Variants in PROX1 observed in about 807,000 individuals in gnomAD.
PROX1 encodes prospero homeobox 1.
A neutral mutation model predicts 58.8 loss-of-function variants in PROX1; 7 were observed. The observed-to-expected ratio is 0.12, with a 90% CI of 0.07 to 0.22. The LOEUF (loss-of-function observed/expected upper bound fraction) is 0.22, where lower values mean the gene tolerates loss of function less well. Among genes scored for constraint, PROX1 ranks in the 10% least tolerant of loss-of-function variants. The pLI, the probability that PROX1 is intolerant of heterozygous loss-of-function variation, is 1.00. For missense variants in PROX1, 675 were observed against 927.8 expected (o/e 0.73, Z 3.54); for synonymous variants, 350 against 358.3 (o/e 0.98, Z 0.26).
In PROX1 at chr1:213,997,056, G is replaced by A. The variant is rs1663293691; in HGVS notation, c.521G>A (p.Arg174Gln). Residue 174 changes from arginine (R) to glutamine (Q), a missense_variant, in exon 2 of 5, where the codon CGG becomes CAG. Arg to Gln is a conservative substitution (Grantham distance 43, BLOSUM62 1). This residue lies in a region of PROX1 where 5 missense variants were observed against 25.0 expected (regional missense o/e 0.20). Transcript: ENST00000366958. The surrounding 1 kb of genome is among the most constrained non-coding windows in gnomAD (Gnocchi z 7.1). Reference sequence around the variant, plus strand: ...CGCGCCCGGGTTGAGAATATAATTCGGGGTATGAGCCATTCCCCCAGTGTG... The same window carrying A: ...CGCGCCCGGGTTGAGAATATAATTCAGGGTATGAGCCATTCCCCCAGTGTG... ...AKRARVENII[R>Q]GMSHSPSVAL... The A allele has an allele frequency of 6.2e-7, 1 of 1,613,884 alleles. No homozygotes were observed. The highest frequency in any genetic ancestry group is 1.1e-5 in the South Asian group (1 of 91,060).
At chr1:214,000,925 G>A (rs1237236813) in intron 2 of PROX1, among the ~76,000 whole-genome samples, 1 of 152,114 alleles carries the variant, frequency 6.6e-6, no homozygotes, top group African/African-American at 2.4e-5. Context: ...TTAGGGATAC[G>A]GGGCCATATA....
At chr1:213,994,160 C>T (rs1663141440) in intron 1 of PROX1, among the ~76,000 whole-genome samples, 1 of 152,182 alleles carries the variant, frequency 6.6e-6, no homozygotes. Flanking sequence ...CGACACCAGT[C>T]TGTCCTTTCC....
rs747353988 is a variant in PROX1, at chr1:214,035,857, A to G, written c.*23A>G. ...TAGAAATTTCAACAACTCTTTTTGA[A>G]TGTATGAAGAGTAGCAGTCCCCTTT... On this transcript the variant is annotated 3_prime_UTR_variant, in exon 5 of 5. Transcript: ENST00000366958. The G allele has an allele frequency of 6.3e-7, 1 of 1,596,668 alleles. No individual in the cohort carries two copies. The highest frequency in any genetic ancestry group is 1.1e-5 in the South Asian group (1 of 88,356).
chr1:214,009,106 T>C (rs1418542652), intron 3 of PROX1, among the ~76,000 whole-genome samples: 1 of 152,218 alleles, frequency 6.6e-6, no homozygotes, highest in Non-Finnish European at 1.5e-5. Flanking sequence ...AAATGATGTA[T>C]CTCATTCCCT....
chr1:214,003,803 T>C (rs915760957), intron 2 of PROX1, among the ~76,000 whole-genome samples: 4 of 152,256 alleles, frequency 2.6e-5, no homozygotes, highest in African/African-American at 7.2e-5. Flanking sequence ...CTTATCCATA[T>C]TAATTTGATT....
chr1:214,014,153 G>A (rs1424003473), intron 4 of PROX1, among the ~76,000 whole-genome samples: 1 of 152,168 alleles, frequency 6.6e-6, no homozygotes, highest in East Asian at 1.9e-4. Flanking sequence ...AAAAGCCACC[G>A]TTCTTATCGT....
At chr1:213,995,521 A>G (rs1663230009) in intron 1 of PROX1, among the ~76,000 whole-genome samples, 1 of 151,992 alleles carries the variant, frequency 6.6e-6, no homozygotes, top group South Asian at 2.1e-4. Flanking sequence ...CTGTATGTTA[A>G]AGAGTTTCTT....
intron 1 of PROX1, among the ~76,000 whole-genome samples, chr1:213,991,327 A>C (rs1663028294): frequency 6.6e-6 from 1 of 152,134 alleles, no homozygotes; most frequent in East Asian, 1.9e-4. Flanking sequence ...GTTTTTGCTC[A>C]TTGGCTTTGT....
rs1246776912 is a variant in PROX1 at position 214,037,941 on chromosome 1, T to C, written c.*2107T>C. 2 of 152,254 alleles carry C rather than the reference T, an allele frequency of 1.3e-5. No individual in the cohort carries two copies. The highest frequency in any genetic ancestry group is 4.8e-5 in the African/African-American group (2 of 41,470). 9.4% of individuals were successfully genotyped at this position (152,254 alleles called of 1,614,324 possible). A position where few individuals can be genotyped will look rare whatever the true frequency, so the allele number is the denominator to read the frequency against. On this transcript the variant is annotated 3_prime_UTR_variant, in exon 5 of 5. Transcript: ENST00000366958. ...TGTCAGTGTGCCACTGGGTTTTTGCTGTTCCGTGTAATTCATATCAACTTT... is the reference window on the plus strand; with the variant it reads ...TGTCAGTGTGCCACTGGGTTTTTGCCGTTCCGTGTAATTCATATCAACTTT...
intron 4 of PROX1, among the ~76,000 whole-genome samples, chr1:214,034,378 C>T (rs1287439893): frequency 1.3e-5 from 2 of 152,078 alleles, no homozygotes; most frequent in Admixed American, 6.5e-5. Flanking sequence ...CTTGTATATG[C>T]GTAGATAAAT....
In PROX1 at chr1:214,038,302, T is replaced by C. The variant is rs1472056824; in HGVS notation, c.*2468T>C. On this transcript the variant is annotated 3_prime_UTR_variant, in exon 5 of 5. Coordinates refer to ENST00000366958, the MANE Select transcript of PROX1 (RefSeq NM_001270616.2). ...TTTATCACTATGCTTTCCGGTGGTT[T>C]TCCCTTTTACAATCGAAATCTTGTG... The C allele has an allele frequency of 6.6e-6, 1 of 152,194 alleles. No homozygotes were observed. The highest frequency in any genetic ancestry group is 2.4e-5 in the African/African-American group (1 of 41,442). 9.4% of individuals were successfully genotyped at this position (152,194 alleles called of 1,614,324 possible).
chr1:214,010,850 A>G (rs1441307609), intron 3 of PROX1, among the ~76,000 whole-genome samples: 4 of 152,196 alleles, frequency 2.6e-5, no homozygotes, highest in African/African-American at 7.2e-5. Context: ...GGAGGGGGAC[A>G]TGGGTCTTAT....
chr1:213,998,042 T>C lies in PROX1; in HGVS notation c.1507T>C (p.Ser503Pro). The change falls in exon 2 of 5, where the codon TCC becomes CCC. Residue 503 changes from serine (S) to proline (P), a missense_variant. Ser to Pro is a moderately conservative substitution (Grantham distance 74, BLOSUM62 -1). Coordinates refer to ENST00000366958, the MANE Select transcript of PROX1 (RefSeq NM_001270616.2). ...GAGCCCATTAGGTGCTCCCTCCGGC[T>C]CCTTCTCTGGAAAAGACAGAGCCTC... ...FQSPLGAPSG[S>P]FSGKDRASPE... The C allele has an allele frequency of 2.5e-6, 4 of 1,612,280 alleles. No individual in the cohort carries two copies. Among genetic ancestry groups the C allele is most frequent in the Non-Finnish European group, 3.4e-6 (4 of 1,178,948 alleles).
chr1:213,992,870 G>T (rs1176924532), intron 1 of PROX1, among the ~76,000 whole-genome samples: 1 of 152,118 alleles, frequency 6.6e-6, no homozygotes, highest in East Asian at 1.9e-4. Context: ...ACTTCACGCT[G>T]CAGTGTTCCT....
intron 4 of PROX1, chr1:214,030,684 C>G (rs1571844309): frequency 6.6e-6 from 1 of 152,200 alleles, no homozygotes; most frequent in South Asian, 2.1e-4. Flanking sequence ...ATAGGAGAGG[C>G]TGTCTTCTTT....
chr1:214,000,410 T>C (rs1663461975), intron 2 of PROX1, among the ~76,000 whole-genome samples: 1 of 152,204 alleles, frequency 6.6e-6, no homozygotes, highest in African/African-American at 2.4e-5. Context: ...AAAGAAAATA[T>C]AGTTGCTTCT....
intron 4 of PROX1, among the ~76,000 whole-genome samples, chr1:214,034,617 T>A (rs1318914542): frequency 6.6e-6 from 1 of 152,092 alleles, no homozygotes; most frequent in Non-Finnish European, 1.5e-5. Context: ...ACTAAATAAG[T>A]ACATCAGTAG....
chr1:214,019,995 C>G (rs1474353333), intron 4 of PROX1, among the ~76,000 whole-genome samples: 6 of 152,172 alleles, frequency 3.9e-5, no homozygotes, highest in Admixed American at 2.6e-4. Flanking sequence ...ACTCTTTACC[C>G]TTGAATCCTT....
In PROX1 at chr1:213,996,484, G is replaced by T; in HGVS notation, c.-52G>T. On this transcript the variant is annotated 5_prime_UTR_variant, in exon 2 of 5. Coordinates refer to ENST00000366958, the MANE Select transcript of PROX1 (RefSeq NM_001270616.2). ...TGTTGGCCAGGGTCCCGGGATTCTT[G>T]AGCTGTGCCCAGCTGACGAGCTTTT... 6.5e-7 allele frequency: 1 copy of T among 1,545,566 alleles called. No individual in the cohort carries two copies. Among genetic ancestry groups the T allele is most frequent in the African/African-American group, 1.4e-5 (1 of 72,606 alleles).
Sources: allele counts gnomAD v4.1 joint callset (sites outside exome capture counted in the v4.1 genomes callset), GRCh38; gene constraint gnomAD v4.1.1; regional missense constraint gnomAD v4.1.1; non-coding constraint Gnocchi (gnomAD v3.1); transcripts MANE v1.5; gene names NCBI Gene and HGNC (gene_info 2026-07-23, HGNC 2026-07-21).